Variants in NCL observed in about 807,000 individuals in gnomAD.
NCL encodes the protein nucleolin multifunctional protein.
NCL carries 4 observed loss-of-function variants against 77.7 expected under a neutral mutation model. The ratio of observed to expected loss-of-function variants is 0.05; its 90% CI spans 0.03 to 0.12. NCL has a LOEUF of 0.12. Ranked by LOEUF, NCL falls within the 10% of genes least tolerant of loss-of-function variation. The probability of loss-of-function intolerance (pLI) is 1.00; values close to 1 mark genes in which losing one functional copy is unlikely to be tolerated. For missense variants in NCL, 763 were observed against 860.9 expected (o/e 0.89, Z 1.42); for synonymous variants, 344 against 297.8 (o/e 1.16, Z -1.60).
At chr2:231,457,377 G>A in intron 9 of NCL, 1 of 751,428 alleles carries the variant, frequency 1.3e-6, no homozygotes, top group Non-Finnish European at 2.4e-6. Flanking sequence ...AAACGCACAT[G>A]GTCAAGTCAT....
In NCL at chr2:231,453,653, C is replaced by G. The variant is rs144132819; in HGVS notation, c.*1538G>C. On this transcript the variant is annotated 3_prime_UTR_variant, in exon 14 of 14. Coordinates refer to ENST00000322723, the MANE Select transcript of NCL (RefSeq NM_005381.3). ...ACTGCTTTTTCATCGTAGTTACAAC[C>G]CTGGCTGGCCACCTTCCTCTCTAGA... 1 of 153,908 alleles carries G rather than the reference C, an allele frequency of 6.5e-6. No individual in the cohort carries two copies. 9.5% of individuals were successfully genotyped at this position (153,908 alleles called of 1,614,324 possible). A position where few individuals can be genotyped will look rare whatever the true frequency, so the allele number is the denominator to read the frequency against.
chr2:231,462,160 G>C, intron 2 of NCL, 143 bp from the exon 3 acceptor site: 1 of 1,120,738 alleles, frequency 8.9e-7, no homozygotes, highest in Non-Finnish European at 1.3e-6. Context: ...TAAACTCCAG[G>C]CTTCTGTTAT....
rs541194604 is a variant in NCL at position 231,460,932 on chromosome 2, T to C, written c.614-66A>G. On this transcript the variant is annotated intron_variant, in intron 3 of 13. Coordinates refer to ENST00000322723, the MANE Select transcript of NCL (RefSeq NM_005381.3). ...AACCAACATCGGTTTTCAAATCTAA[T>C]GTAAAGAAAATGCAATCCTGTCACC... 1,833 of 1,282,144 alleles carry C rather than the reference T, an allele frequency of 1.4e-3. 7 individuals carry two copies. The highest frequency in any genetic ancestry group is 2.0e-3 in the Non-Finnish European group (1,750 of 882,808). 79.4% of individuals were successfully genotyped at this position (1,282,144 alleles called of 1,614,324 possible). A position where few individuals can be genotyped will look rare whatever the true frequency, so the allele number is the denominator to read the frequency against.
intron 6 of NCL, among the ~76,000 whole-genome samples, chr2:231,459,726 G>T (rs937113011): frequency 6.6e-6 from 1 of 152,014 alleles, no homozygotes; most frequent in Non-Finnish European, 1.5e-5. Flanking sequence ...GACCAACATG[G>T]TGAAATGCCA....
intron 9 of NCL, chr2:231,457,376 T>TG (rs1242074806): frequency 4.0e-6 from 3 of 752,610 alleles, no homozygotes; most frequent in South Asian, 1.5e-5. Context: ...AAAACGCACA[T>TG]GGTCAAGTCA....
intron 2 of NCL, among the ~76,000 whole-genome samples, chr2:231,462,359 T>C (rs533213267): frequency 6.6e-6 from 1 of 152,352 alleles, no homozygotes; most frequent in South Asian, 2.1e-4. Flanking sequence ...TGAATTGCTA[T>C]GTGTAAATTA....
Position 231,458,352 on chromosome 2 carries a change from A to T in NCL, c.1203T>A (p.Pro401=), listed in dbSNP as rs747054169. ...DARTLLAKNL[P]YKVTQDELKE... ...TCAATTCATCCTGAGTGACTTTGTA[A>T]GGGAGATTTTTAGCCAAAAGTGTTC... is the stretch of plus-strand genomic sequence containing the variant. Residue 401 remains proline, a synonymous_variant, in exon 8 of 14, where the codon CCT becomes CCA. Coordinates refer to ENST00000322723, the MANE Select transcript of NCL (RefSeq NM_005381.3). The T allele has an allele frequency of 6.8e-6, 11 of 1,613,996 alleles. No homozygotes were observed. In the South Asian group the frequency reaches 1.2e-4, roughly 18 times the overall value.
intron 1 of NCL, chr2:231,463,563 G>A (rs1356353065): frequency 2.3e-5 from 11 of 483,910 alleles, no homozygotes; most frequent in African/African-American, 4.1e-5. Context: ...TCAACCTGAG[G>A]AAATGATTTC....
At position 231,460,747 on chromosome 2, in the gene NCL, C is replaced by T. The variant is rs542293254; in HGVS notation, c.733G>A (p.Glu245Lys). The T allele has an allele frequency of 5.6e-6, 9 of 1,613,126 alleles. No individual in the cohort carries two copies. Among genetic ancestry groups the T allele is most frequent in the South Asian group, 3.3e-5 (3 of 91,072 alleles). The change falls in exon 4 of 14, where the codon GAG becomes AAG. Residue 245 changes from glutamate (E) to lysine (K), a missense_variant. Glu to Lys is a moderately conservative substitution (Grantham distance 56, BLOSUM62 1). This residue lies in a region of NCL where 590 missense variants were observed against 570.5 expected (regional missense o/e 1.03). Coordinates refer to ENST00000322723, the MANE Select transcript of NCL (RefSeq NM_005381.3). ...TCATCTTCGTCGTCGTCGTCATCCT[C>T]GTCCTCATCATCCTCTTCTTCATCT... is the stretch of plus-strand genomic sequence containing the variant. ...DEDEEEDDED[E>K]DDDDDEDDED...
At chr2:231,455,338 G>GT in intron 13 of NCL, 63 bp downstream of exon 13, 2 of 1,613,138 alleles carry the variant, frequency 1.2e-6, no homozygotes, top group Non-Finnish European at 1.7e-6. Flanking sequence ...ATTAGGAACC[G>GT]TGACAGGGCA....
intron 7 of NCL, 86 bp from the exon 8 acceptor site, chr2:231,458,475 A>G: frequency 8.2e-6 from 12 of 1,461,986 alleles, no homozygotes; most frequent in Non-Finnish European, 1.0e-5. Flanking sequence ...AAACACACAT[A>G]GCTCTATTCA....
At chr2:231,463,481 GGGAC>G (rs2046971184) in intron 1 of NCL, 165 bp from the exon 2 acceptor site, 1 of 664,942 alleles carries the variant, frequency 1.5e-6, no homozygotes, top group Non-Finnish European at 2.7e-6. Flanking sequence ...CAATGCAAGA[GGGAC>G]TACTCTCAAC....
chr2:231,456,959 C>CA (rs1559540469), intron 10 of NCL, 42 bp downstream of exon 10: 1 of 1,607,122 alleles, frequency 6.2e-7, no homozygotes, highest in Non-Finnish European at 8.5e-7. Context: ...ACCTCTAAGA[C>CA]ATATATAGCC....
intron 9 of NCL, chr2:231,457,332 T>C (rs1432689159): frequency 1.3e-6 from 1 of 797,006 alleles, no homozygotes; most frequent in Admixed American, 2.0e-5. Flanking sequence ...CATAGGCTGA[T>C]GACTGGTCTG....
At chr2:231,463,408 G>A (rs932446304) in intron 1 of NCL, 92 bp from the exon 2 acceptor site, 2 of 827,168 alleles carry the variant, frequency 2.4e-6, no homozygotes. Context: ...CATCATCTCC[G>A]TCCTCAGATC....
At chr2:231,460,325 G>A in intron 5 of NCL, 32 bp from the exon 6 acceptor site, 2 of 1,614,090 alleles carry the variant, frequency 1.2e-6, no homozygotes, top group Non-Finnish European at 1.7e-6. Flanking sequence ...CAGTCTACTT[G>A]TAGTGTGGTA....
intron 6 of NCL, 96 bp from the exon 7 acceptor site, chr2:231,459,221 G>T: frequency 7.5e-7 from 1 of 1,329,728 alleles, no homozygotes; most frequent in Non-Finnish European, 9.9e-7. Flanking sequence ...TGCAAACAAA[G>T]ATCACATTTT....
Position 231,457,775 on chromosome 2 carries a change from C to T in NCL, c.1315G>A (p.Glu439Lys), listed in dbSNP as rs774455394. 2 of 1,611,530 alleles carry T rather than the reference C, an allele frequency of 1.2e-6. No homozygotes were observed. The highest frequency in any genetic ancestry group is 1.7e-5 in the Admixed American group (1 of 59,744). Residue 439 changes from glutamate (E) to lysine (K), a missense_variant, in exon 9 of 14, where the codon GAA becomes AAA. Coordinates refer to ENST00000322723, the MANE Select transcript of NCL (RefSeq NM_005381.3). ...TCAAAGGTTTTCTCTGCATCAGCTT[C>T]TGTCTTAAATTCAATATAAGCAATC... is the stretch of plus-strand genomic sequence containing the variant. ...KGIAYIEFKT[E>K]ADAEKTFEEK...
intron 1 of NCL, 37 bp downstream of exon 1, chr2:231,464,299 G>C (rs1315243155): frequency 6.4e-7 from 1 of 1,574,206 alleles, no homozygotes; most frequent in South Asian, 1.2e-5. Flanking sequence ...TCGGAAAGCA[G>C]GCCTACACGT....
Sources: gnomAD v4.1 joint callset for allele counts (sites outside exome capture counted in the v4.1 genomes callset) on GRCh38, gnomAD v4.1.1 for gene constraint, gnomAD v4.1.1 regional missense constraint, MANE v1.5 for transcripts, NCBI Gene and HGNC (gene_info 2026-07-23, HGNC 2026-07-21) for gene names.